CNTN5: variants seen among roughly 807,000 people sequenced by gnomAD.
The protein encoded by CNTN5 is contactin 5.
In CNTN5, 77 loss-of-function variants were observed where a neutral mutation model predicts 129.1. The observed-to-expected ratio is 0.60, with a 90% CI of 0.50 to 0.72. The LOEUF (loss-of-function observed/expected upper bound fraction) is 0.72, where lower values mean the gene tolerates loss of function less well. Among genes scored for constraint, CNTN5 ranks in the 30% least tolerant of loss-of-function variants. The pLI, the probability that CNTN5 is intolerant of heterozygous loss-of-function variation, is 0.00. For missense variants in CNTN5, 1,478 were observed against 1,328.8 expected, an observed-to-expected ratio of 1.11 and a Z score of -1.75; for synonymous variants, 509 against 465.6, an observed-to-expected ratio of 1.09 and a Z score of -1.20.
rs530981915 is a variant in CNTN5, at chr11:99,024,001, T to C, written c.-210+2731T>C. Among the ~76,000 whole-genome samples, 4 of 152,262 alleles carry C rather than the reference T, an allele frequency of 2.6e-5. No individual in the cohort carries two copies. The East Asian group carries it at 7.7e-4, about 29-fold the overall frequency. On this transcript the variant is annotated intron_variant, in intron 1 of 24. Coordinates refer to ENST00000524871, the MANE Select transcript of CNTN5 (RefSeq NM_014361.4). ...GTGCTAACATGTTACATGAACTTCTTAACACTTTATAGCAGGAAAGAGACT... is the reference window on the plus strand; with the variant it reads ...GTGCTAACATGTTACATGAACTTCTCAACACTTTATAGCAGGAAAGAGACT...
chr11:99,242,944 C>T (rs542232728), intron 1 of CNTN5, among the ~76,000 whole-genome samples: 1 of 151,926 alleles, frequency 6.6e-6, no homozygotes, highest in Non-Finnish European at 1.5e-5. Flanking sequence ...TGTGATGAAC[C>T]TGAGAGTACA....
intron 1 of CNTN5, among the ~76,000 whole-genome samples, chr11:99,072,822 G>T (rs1310366325): frequency 6.6e-6 from 1 of 152,030 alleles, no homozygotes; most frequent in Admixed American, 6.6e-5. Flanking sequence ...CCATCTCCAT[G>T]GTCAAGATAT....
At chr11:99,713,106 C>A (rs1392655188) in intron 3 of CNTN5, among the ~76,000 whole-genome samples, 4 of 152,090 alleles carry the variant, frequency 2.6e-5, no homozygotes, top group Non-Finnish European at 5.9e-5. Context: ...TTACTTTTAT[C>A]CTATCCATGA....
intron 16 of CNTN5, among the ~76,000 whole-genome samples, chr11:100,239,220 T>G (rs2138675280): frequency 6.6e-6 from 1 of 152,354 alleles, no homozygotes; most frequent in East Asian, 1.9e-4. Flanking sequence ...ACTTTTCATG[T>G]GTGAAGTAAA....
chr11:99,205,205 GAA>G (rs1420813501), intron 1 of CNTN5, among the ~76,000 whole-genome samples: 1 of 152,014 alleles, frequency 6.6e-6, no homozygotes, highest in Non-Finnish European at 1.5e-5. Context: ...CCACTGTAAA[GAA>G]AAAGTGTTTT....
intron 9 of CNTN5, among the ~76,000 whole-genome samples, chr11:100,029,153 G>GAA (rs140999244): frequency 5.7e-4 from 83 of 145,778 alleles, no homozygotes; most frequent in Admixed American, 2.8e-3. Flanking sequence ...TTCAGATATA[G>GAA]AAAAAAAAAA....
At chr11:99,870,085 A>G (rs1002495060) in intron 6 of CNTN5, among the ~76,000 whole-genome samples, 13 of 152,164 alleles carry the variant, frequency 8.5e-5, no homozygotes, top group Non-Finnish European at 1.5e-4. Context: ...GAATAGCATA[A>G]TAAATGTGTT....
intron 9 of CNTN5, among the ~76,000 whole-genome samples, chr11:100,026,178 A>C (rs1247040916): frequency 1.3e-5 from 2 of 152,076 alleles, no homozygotes; most frequent in East Asian, 3.9e-4. Context: ...GATAGTGAGT[A>C]AGTTCTTATG....
chr11:100,160,174 T>C (rs1340148879), intron 13 of CNTN5, among the ~76,000 whole-genome samples: 1 of 151,940 alleles, frequency 6.6e-6, no homozygotes, highest in Non-Finnish European at 1.5e-5. Flanking sequence ...ATGCGGTGTT[T>C]GGTTTTCTGT....
intron 1 of CNTN5, among the ~76,000 whole-genome samples, chr11:99,270,568 A>G (rs764977154): frequency 6.6e-6 from 1 of 151,892 alleles, no homozygotes; most frequent in Non-Finnish European, 1.5e-5. Flanking sequence ...TGTTTCCTAA[A>G]ATAGTCTACA....
At chr11:99,380,366 A>G (rs1020462449) in intron 2 of CNTN5, among the ~76,000 whole-genome samples, 14 of 152,250 alleles carry the variant, frequency 9.2e-5, no homozygotes, top group African/African-American at 3.4e-4. Context: ...GTGAGCAAAT[A>G]GAAATGATAG....
chr11:100,034,633 C>T (rs1461144144), intron 9 of CNTN5, among the ~76,000 whole-genome samples: 1 of 152,200 alleles, frequency 6.6e-6, no homozygotes, highest in Non-Finnish European at 1.5e-5. Flanking sequence ...ACAGGTTTAA[C>T]TGGAGCACAG....
At chr11:99,299,401 C>CA (rs911616439) in intron 1 of CNTN5, among the ~76,000 whole-genome samples, 8 of 151,488 alleles carry the variant, frequency 5.3e-5, no homozygotes, top group African/African-American at 1.2e-4. Flanking sequence ...AGTATATTAA[C>CA]AAAAAAAATT....
intron 13 of CNTN5, among the ~76,000 whole-genome samples, chr11:100,157,286 AT>A (rs1947278993): frequency 6.6e-6 from 1 of 151,942 alleles, no homozygotes; most frequent in Non-Finnish European, 1.5e-5. Flanking sequence ...CGTTTTAGAA[AT>A]AAGATTCACA....
Position 100,004,210 on chromosome 11 carries a change from C to G in CNTN5, c.980+2074C>G, listed in dbSNP as rs147494341. Among the ~76,000 whole-genome samples the G allele has an allele frequency of 1.6e-3, 251 of 152,292 alleles. 1 individual carries two copies. Among genetic ancestry groups the G allele is most frequent in the African/African-American group, 5.7e-3 (239 of 41,572 alleles). ...TCACTGGATATCGTCAGGATCTTAC[C>G]ACTCAGGCTGTTTTCCCCCTCACTG... On this transcript the variant is annotated intron_variant, in intron 9 of 24. Coordinates refer to ENST00000524871, the MANE Select transcript of CNTN5 (RefSeq NM_014361.4).
chr11:99,952,376 G>A (rs749048134), intron 7 of CNTN5, among the ~76,000 whole-genome samples: 19 of 152,094 alleles, frequency 1.2e-4, no homozygotes, highest in Admixed American at 1.3e-4. Flanking sequence ...ATGGATGATG[G>A]AATTATGAAA....
At chr11:99,650,231 A>G (rs1304235457) in intron 3 of CNTN5, among the ~76,000 whole-genome samples, 1 of 151,922 alleles carries the variant, frequency 6.6e-6, no homozygotes, top group Non-Finnish European at 1.5e-5. Context: ...ATAGTGAGAA[A>G]TATAACTATC....
At chr11:99,464,204 A>T (rs1211111082) in intron 2 of CNTN5, among the ~76,000 whole-genome samples, 1 of 152,132 alleles carries the variant, frequency 6.6e-6, no homozygotes, top group Non-Finnish European at 1.5e-5. Flanking sequence ...AACTTTGGGG[A>T]GTATCTTATG....
At chr11:100,291,563 T>C (rs1241596925) in intron 18 of CNTN5, among the ~76,000 whole-genome samples, 1 of 150,446 alleles carries the variant, frequency 6.6e-6, no homozygotes, top group Non-Finnish European at 1.5e-5. Flanking sequence ...AACAATGAGA[T>C]CACATGGACA....
Sources: gnomAD v4.1 joint callset for allele counts (sites outside exome capture counted in the v4.1 genomes callset) on GRCh38, gnomAD v4.1.1 for gene constraint, MANE v1.5 for transcripts, NCBI Gene and HGNC (gene_info 2026-07-23, HGNC 2026-07-21) for gene names.